Variants in SHROOM3 observed in about 807,000 individuals in gnomAD.
SHROOM3 encodes the protein shroom family member 3.
SHROOM3 carries 47 observed loss-of-function variants against 138.6 expected under a neutral mutation model. That is an observed-to-expected ratio of 0.34 (90% CI 0.27 to 0.43). The LOEUF (loss-of-function observed/expected upper bound fraction) is 0.43, where lower values mean the gene tolerates loss of function less well. Among genes scored for constraint, SHROOM3 ranks in the 20% least tolerant of loss-of-function variants. The pLI is 1.00. For synonymous variants in SHROOM3, 1,062 were observed against 1,063.3 expected, an observed-to-expected ratio of 1.00 and a Z score of 0.02; for missense variants, 2,491 against 2,596.5, an observed-to-expected ratio of 0.96 and a Z score of 0.88.
intron 2 of SHROOM3, among the ~76,000 whole-genome samples, chr4:76,651,349 T>G (rs997639702): frequency 1.4e-5 from 2 of 146,514 alleles, no homozygotes; most frequent in African/African-American, 2.5e-5. Context: ...TTCTCCATGA[T>G]GTAGTTATTT....
At chr4:76,439,216 G>A (rs1730620303) in intron 1 of SHROOM3, among the ~76,000 whole-genome samples, 1 of 152,250 alleles carries the variant, frequency 6.6e-6, no homozygotes, top group Middle Eastern at 3.4e-3. Context: ...GTCTGCAACA[G>A]CAGGTTGAGT....
intron 4 of SHROOM3, among the ~76,000 whole-genome samples, chr4:76,735,851 AAAAAAAAAAAAAAAAAAATATAT>A (rs1449699711): frequency 1.6e-4 from 10 of 62,094 alleles, no homozygotes; most frequent in African/African-American, 5.1e-4. Context: ...AAAAAAAAAA[AAAAAAAAAAAAAAAAAAATATAT>A]ATATATATAT....
chr4:76,690,919 C>G (rs997670901), intron 2 of SHROOM3, among the ~76,000 whole-genome samples: 2 of 151,946 alleles, frequency 1.3e-5, no homozygotes, highest in African/African-American at 4.8e-5. Context: ...AGGAAATAAA[C>G]TTACTTAAAA....
intron 1 of SHROOM3, among the ~76,000 whole-genome samples, chr4:76,523,284 C>A (rs539520797): frequency 6.6e-6 from 1 of 152,118 alleles, no homozygotes; most frequent in African/African-American, 2.4e-5. Flanking sequence ...AAGGCCCATC[C>A]GAGTTCTATG....
chr4:76,586,348 C>A, intron 2 of SHROOM3: 3 of 985,734 alleles, frequency 3.0e-6, no homozygotes, highest in Non-Finnish European at 2.4e-6. Context: ...TGCCTCTAGG[C>A]CACCTCCCCC....
intron 1 of SHROOM3, among the ~76,000 whole-genome samples, chr4:76,438,584 TC>T (rs1730607044): frequency 6.6e-6 from 1 of 152,196 alleles, no homozygotes. Flanking sequence ...TCTTTAAAGC[TC>T]CATTTCTTCT....
chr4:76,694,796 C>T (rs968523691), intron 2 of SHROOM3, among the ~76,000 whole-genome samples: 4 of 152,222 alleles, frequency 2.6e-5, no homozygotes, highest in African/African-American at 4.8e-5. Context: ...TGAGTACTTA[C>T]TAGGAGTCAA....
chr4:76,766,271 G>A (rs143492712), intron 9 of SHROOM3, among the ~76,000 whole-genome samples: 35 of 152,310 alleles, frequency 2.3e-4, no homozygotes, highest in Middle Eastern at 3.4e-3. Flanking sequence ...ATTAGTTTTC[G>A]GCAGGTGTTA....
chr4:76,634,128 G>T (rs1735422876), intron 2 of SHROOM3, among the ~76,000 whole-genome samples: 1 of 152,058 alleles, frequency 6.6e-6, no homozygotes, highest in Non-Finnish European at 1.5e-5. Context: ...AAATGAAAGT[G>T]TCACGTATGT....
At position 76,738,830 on chromosome 4, in the gene SHROOM3, C is replaced by T. The variant is rs759628103; in HGVS notation, c.657C>T (p.Ser219=). 4 of 1,614,248 alleles carry T rather than the reference C, an allele frequency of 2.5e-6. No homozygotes were observed. Among genetic ancestry groups the T allele is most frequent in the Non-Finnish European group, 3.4e-6 (4 of 1,180,036 alleles). ...YLRRSPDQCS[S]QGSMESLEPS... ...GGCGGAGCCCTGACCAGTGCAGCTC[C>T]CAGGGGAGCATGGAGAGCCTGGAGC... is the stretch of plus-strand genomic sequence containing the variant. Residue 219 remains serine (S), a synonymous_variant, in exon 5 of 11, where the codon TCC becomes TCT. Transcript: ENST00000296043.
intron 1 of SHROOM3, among the ~76,000 whole-genome samples, chr4:76,537,639 T>C (rs1454728359): frequency 6.6e-6 from 1 of 152,126 alleles, no homozygotes; most frequent in East Asian, 1.9e-4. Flanking sequence ...AATTTAGGCT[T>C]TGCTGATGGG....
At chr4:76,506,052 G>A (rs548526487) in intron 1 of SHROOM3, among the ~76,000 whole-genome samples, 1 of 152,244 alleles carries the variant, frequency 6.6e-6, no homozygotes, top group Non-Finnish European at 1.5e-5. Flanking sequence ...CCATAAAAAA[G>A]GATGAGTTCA....
intron 2 of SHROOM3, among the ~76,000 whole-genome samples, chr4:76,687,148 T>C (rs1239188558): frequency 6.6e-6 from 1 of 152,176 alleles, no homozygotes; most frequent in Non-Finnish European, 1.5e-5. Flanking sequence ...ATATTTAAAA[T>C]AAAAACTTTT....
intron 1 of SHROOM3, among the ~76,000 whole-genome samples, chr4:76,502,206 C>T (rs1732113037): frequency 6.6e-6 from 1 of 152,186 alleles, no homozygotes. Flanking sequence ...AGCCCCTACA[C>T]CGTGGGCTCC....
At chr4:76,546,993 C>T (rs978744012) in intron 1 of SHROOM3, among the ~76,000 whole-genome samples, 8 of 151,990 alleles carry the variant, frequency 5.3e-5, no homozygotes, top group African/African-American at 1.9e-4. Flanking sequence ...TGAATCATTC[C>T]CTGTTCAGTT....
chr4:76,759,498 C>G (rs202226172), intron 8 of SHROOM3, 47 bp from the exon 9 acceptor site: 5 of 1,612,668 alleles, frequency 3.1e-6, no homozygotes, highest in Admixed American at 1.7e-5. Flanking sequence ...GAAACAAAGC[C>G]TCTGGCGTGA....
At chr4:76,667,111 GT>G (rs1259209391) in intron 2 of SHROOM3, among the ~76,000 whole-genome samples, 1 of 152,148 alleles carries the variant, frequency 6.6e-6, no homozygotes. Context: ...TGTGTACAAA[GT>G]TTCAGTTTTA....
At chr4:76,750,959 A>C (rs996056163) in intron 6 of SHROOM3, among the ~76,000 whole-genome samples, 4 of 152,210 alleles carry the variant, frequency 2.6e-5, no homozygotes, top group African/African-American at 9.6e-5. Context: ...GTGCTTGCTG[A>C]AAAGGATATT....
intron 2 of SHROOM3, among the ~76,000 whole-genome samples, chr4:76,680,226 C>T (rs1389249574): frequency 1.3e-5 from 2 of 151,690 alleles, no homozygotes; most frequent in African/African-American, 4.8e-5. Flanking sequence ...CTGCAAGCTC[C>T]GCCTCCTGGG....
Sources: gnomAD v4.1 joint callset for allele counts (sites outside exome capture counted in the v4.1 genomes callset) on GRCh38, gnomAD v4.1.1 for gene constraint, MANE v1.5 for transcripts, NCBI Gene and HGNC (gene_info 2026-07-23, HGNC 2026-07-21) for gene names.